The following PAXIP1 variants were observed in gnomAD, a reference collection of about 807,000 sequenced individuals.
The protein encoded by PAXIP1 is PAX interacting protein 1, also known as PAX-interacting protein 1.
A neutral mutation model predicts 140.6 loss-of-function variants in PAXIP1; 19 were observed. That is an observed-to-expected ratio of 0.14 (90% confidence interval 0.09 to 0.20). PAXIP1 has a LOEUF of 0.20. Ranked by LOEUF, PAXIP1 falls within the 10% of genes least tolerant of loss-of-function variation. The pLI, the probability that PAXIP1 is intolerant of heterozygous loss-of-function variation, is 1.00. For synonymous variants in PAXIP1, 442 were observed against 444.6 expected (o/e 0.99, Z 0.07); for missense variants, 920 against 1,208.6 (o/e 0.76, Z 3.54).
At chr7:154,993,914 ATAT>A (rs1034891635) in intron 2 of PAXIP1, 145 bp from the exon 3 acceptor site, 4 of 628,086 alleles carry the variant, frequency 6.4e-6, no homozygotes, top group Non-Finnish European at 1.1e-5. Flanking sequence ...TCAAATAGAA[ATAT>A]TATAGTCAAA....
intron 1 of PAXIP1, among the ~76,000 whole-genome samples, chr7:154,999,852 G>A (rs1250511319): frequency 2.0e-5 from 3 of 152,180 alleles, no homozygotes; most frequent in Admixed American, 6.5e-5. Context: ...GAAGGTGGTC[G>A]CAGTGCAGAA....
At position 154,956,342 on chromosome 7, in the gene PAXIP1, GT is replaced by G. The variant is rs1808511035; in HGVS notation, c.2550-712del. On this transcript the variant is annotated intron_variant, in intron 14 of 20. Transcript: ENST00000404141. The surrounding 1 kb of genome is among the most constrained non-coding windows in gnomAD (Gnocchi z 4.2). ...TTTTATTACAAAAGTCAACAGTTCAGTTTGTGTTCTGGAAGTGGGGAATGGA... is the reference window on the plus strand; with the variant it reads ...TTTTATTACAAAAGTCAACAGTTCAGTTGTGTTCTGGAAGTGGGGAATGGA... The G allele has an allele frequency of 6.6e-6, 1 of 152,114 alleles. No homozygotes were observed. The highest frequency in any genetic ancestry group is 1.5e-5 in the Non-Finnish European group (1 of 68,020). The allele number at this position is 152,114 out of a possible 1,614,324, so 9.4% of individuals were successfully genotyped here.
At chr7:154,999,868 G>A (rs1810807816) in intron 1 of PAXIP1, among the ~76,000 whole-genome samples, 1 of 152,146 alleles carries the variant, frequency 6.6e-6, no homozygotes, top group Non-Finnish European at 1.5e-5. Flanking sequence ...CAGAATGGGA[G>A]GGGAGCTAGA....
At position 154,953,150 on chromosome 7, in the gene PAXIP1, C is replaced by T. The variant is rs1384801050; in HGVS notation, c.2821+1105G>A. The stretch of plus-strand genomic sequence containing the variant: ...GTGATAAATAAGGTGAGTTTAGCCA[C>T]AAGAGTGTAACGGGACCTAGTAGCG... On this transcript the variant is annotated intron_variant, in intron 16 of 20. Coordinates refer to ENST00000404141, the MANE Select transcript of PAXIP1 (RefSeq NM_007349.4). Among the ~76,000 whole-genome samples, 3 of 141,186 alleles carry T rather than the reference C, an allele frequency of 2.1e-5. No homozygotes were observed. The South Asian group carries it at 6.5e-4, about 31-fold the overall frequency. The allele number at this position is 141,186 out of a possible 152,430, so 92.6% of individuals were successfully genotyped here. A position where few individuals can be genotyped will look rare whatever the true frequency, so the allele number is the denominator to read the frequency against.
chr7:154,963,178 T>A lies in PAXIP1; in HGVS notation c.1989+493A>T, dbSNP rs575692676. ...CTGCAGGGAGTGTCCGCCCTTTCTTTCTTTTATTTTTTTTTGAGATGGAGT... is the reference window on the plus strand; with the variant it reads ...CTGCAGGGAGTGTCCGCCCTTTCTTACTTTTATTTTTTTTTGAGATGGAGT... On this transcript the variant is annotated intron_variant, in intron 9 of 20. Coordinates refer to ENST00000404141, the MANE Select transcript of PAXIP1 (RefSeq NM_007349.4). This position sits in a 1 kb window ranked among gnomAD's most constrained non-coding sequence, Gnocchi z 4.1. 1.5e-4 allele frequency among the ~76,000 whole-genome samples: 22 copies of A among 151,248 alleles called. No homozygotes were observed. The highest frequency in any genetic ancestry group is 5.1e-4 in the African/African-American group (21 of 41,102).
At chr7:154,962,538 A>G in intron 9 of PAXIP1, 80 bp from the exon 10 acceptor site, 1 of 1,267,276 alleles carries the variant, frequency 7.9e-7, no homozygotes, top group East Asian at 2.5e-5. Context: ...TTGTATAACT[A>G]CAATGCCCTT....
chr7:154,994,544 C>T (rs1035803910), intron 2 of PAXIP1, among the ~76,000 whole-genome samples: 4 of 152,064 alleles, frequency 2.6e-5, no homozygotes, highest in East Asian at 1.9e-4. Flanking sequence ...TGGTGCAAGG[C>T]GCTGGGGATG....
At chr7:154,994,690 A>G (rs766663760) in intron 2 of PAXIP1, among the ~76,000 whole-genome samples, 1 of 152,250 alleles carries the variant, frequency 6.6e-6, no homozygotes, top group Admixed American at 6.5e-5. Context: ...CATTTTTTAG[A>G]TGACATCTAA....
chr7:154,955,707 G>A lies in PAXIP1; in HGVS notation c.2550-76C>T. The A allele has an allele frequency of 3.8e-6, 3 of 783,660 alleles. No homozygotes were observed. The South Asian group carries it at 6.2e-5, about 16-fold the overall frequency. 48.5% of individuals were successfully genotyped at this position (783,660 alleles called of 1,614,324 possible). A position where few individuals can be genotyped will look rare whatever the true frequency, so the allele number is the denominator to read the frequency against. On this transcript the variant is annotated intron_variant, in intron 14 of 20. Coordinates refer to ENST00000404141, the MANE Select transcript of PAXIP1 (RefSeq NM_007349.4). ...TGAAAATTTTCTTTAGAAAACAAGG[G>A]ATTTCATTAGTTTAACAAGCTTTAA...
chr7:154,975,391 G>GT (rs1226102386), intron 6 of PAXIP1, among the ~76,000 whole-genome samples: 3 of 152,148 alleles, frequency 2.0e-5, no homozygotes, highest in Admixed American at 6.5e-5. Context: ...TTTAAACTAA[G>GT]TAAGAGTGGA....
At position 154,976,066 on chromosome 7, in the gene PAXIP1, G is replaced by A; in HGVS notation, c.704C>T (p.Ser235Leu). The change falls in exon 6 of 21, where the codon TCA becomes TTA. Residue 235 changes from serine to leucine, a missense_variant. This residue lies in a region of PAXIP1 where 419 missense variants were observed against 514.7 expected (regional missense o/e 0.81). Coordinates refer to ENST00000404141, the MANE Select transcript of PAXIP1 (RefSeq NM_007349.4). Reference sequence around the variant, plus strand: ...AGATTTTTCAGTGTTGGATTTAGGTGAAAACTGCTGGTCACCTGAAGGAGA... The same window carrying A: ...AGATTTTTCAGTGTTGGATTTAGGTAAAAACTGCTGGTCACCTGAAGGAGA... ...EGSPSGDQQF[S>L]PKSNTEKSKG... is the part of the protein sequence containing the mutation. 6.3e-7 allele frequency: 1 copy of A among 1,588,570 alleles called. No individual in the cohort carries two copies. The highest frequency in any genetic ancestry group is 8.6e-7 in the Non-Finnish European group (1 of 1,165,826).
chr7:154,978,069 C>G (rs1054645796), intron 5 of PAXIP1, among the ~76,000 whole-genome samples: 1 of 152,200 alleles, frequency 6.6e-6, no homozygotes, highest in Non-Finnish European at 1.5e-5. Flanking sequence ...TCTTGCTTCT[C>G]CTGAACTTTG....
chr7:154,984,554 A>G (rs932670674), intron 4 of PAXIP1, among the ~76,000 whole-genome samples: 1 of 152,362 alleles, frequency 6.6e-6, no homozygotes, highest in East Asian at 1.9e-4. Flanking sequence ...ATTACACACT[A>G]TTCTATGAAT....
chr7:154,956,889 T>C lies in PAXIP1; in HGVS notation c.2549+335A>G, dbSNP rs1321347496. On this transcript the variant is annotated intron_variant, in intron 14 of 20. Coordinates refer to ENST00000404141, the MANE Select transcript of PAXIP1 (RefSeq NM_007349.4). The surrounding 1 kb of genome is among the most constrained non-coding windows in gnomAD (Gnocchi z 4.2). The stretch of plus-strand genomic sequence containing the variant: ...GCATGTACAGCAGGTTCTTCAGCCG[T>C]GCCCAGGAGGCCTGGGGCTCCGTGG... 5.1e-6 allele frequency: 1 copy of C among 196,158 alleles called. No individual in the cohort carries two copies. The highest frequency in any genetic ancestry group is 2.3e-5 in the African/African-American group (1 of 42,652). The allele number at this position is 196,158 out of a possible 1,614,324, so 12.2% of individuals were successfully genotyped here.
intron 16 of PAXIP1, 85 bp from the exon 17 acceptor site, chr7:154,948,088 C>CA: frequency 1.2e-6 from 1 of 843,250 alleles, no homozygotes; most frequent in African/African-American, 1.7e-5. Context: ...CGCCCATATT[C>CA]AGGTACATAA....
chr7:154,976,394 T>TA (rs1809581756), intron 5 of PAXIP1, 63 bp from the exon 6 acceptor site: 1 of 1,510,706 alleles, frequency 6.6e-7, no homozygotes, highest in South Asian at 1.4e-5. Context: ...TTCCTACAAT[T>TA]ACGCATTTTA....
Position 154,946,295 on chromosome 7 carries a change from C to T in PAXIP1, c.3194+70G>A. ...GGCTTGCAAAACAGGAAAGGTACTG[C>T]CTTATTAACCTGGGAAATCCATTTC... On this transcript the variant is annotated intron_variant, in intron 20 of 20. Transcript: ENST00000404141. This position sits in a 1 kb window ranked among gnomAD's most constrained non-coding sequence, Gnocchi z 4.9. 1.2e-6 allele frequency: 2 copies of T among 1,610,002 alleles called. No individual in the cohort carries two copies. The highest frequency in any genetic ancestry group is 2.2e-5 in the East Asian group (1 of 44,814).
intron 8 of PAXIP1, chr7:154,965,318 G>A (rs534257610): frequency 2.0e-5 from 3 of 152,434 alleles, no homozygotes; most frequent in African/African-American, 7.2e-5. Context: ...GCAACCTCAG[G>A]AGATAGCTGA....
chr7:154,977,562 A>C (rs574297355), intron 5 of PAXIP1, among the ~76,000 whole-genome samples: 208 of 152,322 alleles, frequency 1.4e-3, no homozygotes, highest in African/African-American at 4.7e-3. Context: ...TCAGTGACTT[A>C]ACTTGTGTTT....
Sources: gnomAD v4.1 joint callset for allele counts (sites outside exome capture counted in the v4.1 genomes callset) on GRCh38, gnomAD v4.1.1 for gene constraint, gnomAD v4.1.1 regional missense constraint, Gnocchi (gnomAD v3.1) non-coding constraint, MANE v1.5 for transcripts, NCBI Gene and HGNC (gene_info 2026-07-23, HGNC 2026-07-21) for gene names.